MGAT4A: variants seen among roughly 807,000 people sequenced by gnomAD.
MGAT4A encodes alpha-1,3-mannosyl-glycoprotein 4-beta-N-acetylglucosaminyltransferase A.
In MGAT4A, 33 loss-of-function variants were observed where a neutral mutation model predicts 74.1. That is an observed-to-expected ratio of 0.45 (90% CI 0.34 to 0.60). The LOEUF (loss-of-function observed/expected upper bound fraction) is 0.60. Ranked by LOEUF, MGAT4A falls within the 20% of genes least tolerant of loss-of-function variation. The probability of loss-of-function intolerance (pLI) is 0.02; values close to 1 mark genes in which losing one functional copy is unlikely to be tolerated. For synonymous variants in MGAT4A, 198 were observed against 210.4 expected, an observed-to-expected ratio of 0.94 and a Z score of 0.51; for missense variants, 479 against 628.3, an observed-to-expected ratio of 0.76 and a Z score of 2.54.
At chr2:98,663,873 C>G (rs375865629) in intron 4 of MGAT4A, among the ~76,000 whole-genome samples, 1 of 152,060 alleles carries the variant, frequency 6.6e-6, no homozygotes, top group African/African-American at 2.4e-5. Flanking sequence ...GGTTTTTGAT[C>G]GCTATACTAT....
At position 98,624,645 on chromosome 2, in the gene MGAT4A, C is replaced by A. The variant is rs933032603; in HGVS notation, c.*921G>T. The A allele has an allele frequency of 2.0e-6, 2 of 983,078 alleles. No homozygotes were observed. The highest frequency in any genetic ancestry group is 1.8e-5 in the African/African-American group (1 of 57,112). 60.9% of individuals were successfully genotyped at this position (983,078 alleles called of 1,614,324 possible). ...AAAAGAATCAACAGCAGATAATGCA[C>A]CTAATTCATGGATTAAAGACAAAGA... is the stretch of plus-strand genomic sequence containing the variant. On this transcript the variant is annotated 3_prime_UTR_variant, in exon 16 of 16. Coordinates refer to ENST00000393487, the MANE Select transcript of MGAT4A (RefSeq NM_012214.3).
intron 2 of MGAT4A, among the ~76,000 whole-genome samples, chr2:98,698,991 G>C (rs772494358): frequency 6.6e-6 from 1 of 152,028 alleles, no homozygotes; most frequent in Non-Finnish European, 1.5e-5. Flanking sequence ...CAGCAGGTTT[G>C]TCAGGAGTTC....
At chr2:98,691,734 T>G (rs1702197109) in intron 2 of MGAT4A, among the ~76,000 whole-genome samples, 1 of 152,178 alleles carries the variant, frequency 6.6e-6, no homozygotes, top group African/African-American at 2.4e-5. Context: ...GAAAACAGCC[T>G]CAGGTCCTTC....
At chr2:98,692,646 T>A (rs1333611169) in intron 2 of MGAT4A, among the ~76,000 whole-genome samples, 1 of 152,188 alleles carries the variant, frequency 6.6e-6, no homozygotes, top group Non-Finnish European at 1.5e-5. Context: ...TACTTTATCT[T>A]TTCTATGTTT....
At chr2:98,651,520 G>A (rs898133249) in intron 8 of MGAT4A, among the ~76,000 whole-genome samples, 4 of 152,092 alleles carry the variant, frequency 2.6e-5, no homozygotes, top group African/African-American at 7.2e-5. Context: ...TTTAAGATAT[G>A]TAATTGCAAT....
At chr2:98,640,340 T>C (rs778966913) in intron 10 of MGAT4A, 112 bp from the exon 11 acceptor site, 7 of 864,696 alleles carry the variant, frequency 8.1e-6, no homozygotes, top group Non-Finnish European at 1.3e-5. Context: ...CTGGGCGCGG[T>C]GGGTCATGCC....
intron 13 of MGAT4A, among the ~76,000 whole-genome samples, chr2:98,635,839 T>C (rs145445753): frequency 6.6e-6 from 1 of 150,960 alleles, no homozygotes; most frequent in Non-Finnish European, 1.5e-5. Flanking sequence ...AATACAAAAA[T>C]TAGCTGGGCA....
At chr2:98,687,133 A>C (rs1249009040) in intron 2 of MGAT4A, among the ~76,000 whole-genome samples, 7 of 152,204 alleles carry the variant, frequency 4.6e-5, no homozygotes, top group African/African-American at 1.7e-4. Flanking sequence ...TTCTTCATAA[A>C]GGTGTATTTC....
At chr2:98,714,009 G>C (rs1185937166) in intron 2 of MGAT4A, among the ~76,000 whole-genome samples, 1 of 152,200 alleles carries the variant, frequency 6.6e-6, no homozygotes, top group Non-Finnish European at 1.5e-5. Context: ...CTTTTCATTT[G>C]TGTATGGGTT....
At chr2:98,723,784 G>C (rs1702720514) in intron 2 of MGAT4A, among the ~76,000 whole-genome samples, 1 of 152,144 alleles carries the variant, frequency 6.6e-6, no homozygotes, top group African/African-American at 2.4e-5. Context: ...TCTACCTCCT[G>C]TGTAAAGCAC....
intron 8 of MGAT4A, among the ~76,000 whole-genome samples, chr2:98,647,776 T>G (rs1409081701): frequency 6.6e-6 from 1 of 152,176 alleles, no homozygotes; most frequent in Non-Finnish European, 1.5e-5. Flanking sequence ...CAGTGGAAAC[T>G]CCATTCCAAG....
intron 4 of MGAT4A, chr2:98,663,570 G>T: frequency 3.3e-6 from 3 of 899,562 alleles, no homozygotes; most frequent in Non-Finnish European, 4.6e-6. Flanking sequence ...TCAGTTCTGT[G>T]GTTGTTCTTG....
chr2:98,682,422 CAAAAAAAAA>C (rs1013377462), intron 2 of MGAT4A, among the ~76,000 whole-genome samples: 7 of 36,456 alleles, frequency 1.9e-4, no homozygotes, highest in Non-Finnish European at 3.3e-4. Context: ...AATTCCATCT[CAAAAAAAAA>C]AAAAAAAAAA....
chr2:98,705,980 A>G (rs1208531565), intron 2 of MGAT4A, among the ~76,000 whole-genome samples: 2 of 151,676 alleles, frequency 1.3e-5, no homozygotes, highest in Non-Finnish European at 2.9e-5. Flanking sequence ...AAGAAAATCA[A>G]CTAACAATAA....
At chr2:98,644,181 T>G (rs1701453044) in intron 9 of MGAT4A, 128 bp from the exon 10 acceptor site, 2 of 963,996 alleles carry the variant, frequency 2.1e-6, no homozygotes, top group Non-Finnish European at 2.9e-6. Context: ...TCATAAACAA[T>G]TTCCCCACTT....
At chr2:98,629,170 T>C (rs1390416468) in intron 14 of MGAT4A, among the ~76,000 whole-genome samples, 2 of 152,208 alleles carry the variant, frequency 1.3e-5, no homozygotes, top group South Asian at 2.1e-4. Flanking sequence ...CCATGGACCG[T>C]AGTTTGCTGA....
Position 98,645,459 on chromosome 2 carries a change from C to T in MGAT4A, c.858G>A (p.Met286Ile). 6.3e-7 allele frequency: 1 copy of T among 1,589,096 alleles called. No homozygotes were observed. Among genetic ancestry groups the T allele is most frequent in the Non-Finnish European group, 8.5e-7 (1 of 1,174,212 alleles). The change falls in exon 9 of 16, where the codon ATG becomes ATA. Residue 286 changes from methionine to isoleucine, a missense_variant. By Grantham distance (10) the Met-to-Ile change is conservative. Around this residue, in one of 3 missense-constraint regions of MGAT4A, gnomAD observed 236 missense variants for 308.2 expected, o/e 0.77. Coordinates refer to ENST00000393487, the MANE Select transcript of MGAT4A (RefSeq NM_012214.3). Reference protein sequence around the residue: ...FALQLSSEEWMILEFSQLGFI... With the variant: ...FALQLSSEEWIILEFSQLGFI... ...AGCCCAGCTGGGAAAACTCTAGAAT[C>T]ATCCATTCCTCAGAAGAAAGTTGAA...
Position 98,620,132 on chromosome 2 carries a change from A to G in MGAT4A, c.*5434T>C, listed in dbSNP as rs921053410. 2.0e-5 allele frequency: 3 copies of G among 152,222 alleles called. No individual in the cohort carries two copies. Among genetic ancestry groups the G allele is most frequent in the Non-Finnish European group, 4.4e-5 (3 of 68,044 alleles). The allele number at this position is 152,222 out of a possible 1,614,324, so 9.4% of individuals were successfully genotyped here. ...CAGGTAAGAAGAAGAGTTTATATAT[A>G]GGTGTTGATACAGATATGTATAACA... is the stretch of plus-strand genomic sequence containing the variant. On this transcript the variant is annotated 3_prime_UTR_variant, in exon 16 of 16. Coordinates refer to ENST00000393487, the MANE Select transcript of MGAT4A (RefSeq NM_012214.3).
rs886647316 is a variant in MGAT4A, at chr2:98,731,005, C to A, written c.-236+43G>T. 7.1e-6 allele frequency: 1 copy of A among 140,954 alleles called. No homozygotes were observed. The highest frequency in any genetic ancestry group is 1.6e-5 in the Non-Finnish European group (1 of 63,392). 8.7% of individuals were successfully genotyped at this position (140,954 alleles called of 1,614,324 possible). A position where few individuals can be genotyped will look rare whatever the true frequency, so the allele number is the denominator to read the frequency against. ...CCTCCGCGCAGCCGCCCCGCGCCCC[C>A]TCCCGCCCCCGCGCGCCGCCGCTGC... On this transcript the variant is annotated intron_variant, in intron 1 of 15. Transcript: ENST00000393487. The surrounding 1 kb of genome is among the most constrained non-coding windows in gnomAD (Gnocchi z 4.8).
Sources: allele counts gnomAD v4.1 joint callset (sites outside exome capture counted in the v4.1 genomes callset), GRCh38; gene constraint gnomAD v4.1.1; regional missense constraint gnomAD v4.1.1; non-coding constraint Gnocchi (gnomAD v3.1); transcripts MANE v1.5; gene names NCBI Gene and HGNC (gene_info 2026-07-23, HGNC 2026-07-21).